Variants in SKOR1 observed in about 807,000 individuals in gnomAD.
The protein encoded by SKOR1 is SKI family transcriptional corepressor 1.
A neutral mutation model predicts 72.4 loss-of-function variants in SKOR1; 38 were observed. The ratio of observed to expected loss-of-function variants is 0.52; its 90% CI spans 0.40 to 0.69. The LOEUF (loss-of-function observed/expected upper bound fraction) is 0.69. Ranked by LOEUF, SKOR1 falls within the 30% of genes least tolerant of loss-of-function variation. The probability of loss-of-function intolerance (pLI) is 0.00; values close to 1 mark genes in which losing one functional copy is unlikely to be tolerated. For synonymous variants in SKOR1, 642 were observed against 599.4 expected (o/e 1.07, Z -1.04); for missense variants, 1,320 against 1,343.2 (o/e 0.98, Z 0.27).
At position 67,826,405 on chromosome 15, in the gene SKOR1, G is replaced by A; in HGVS notation, c.577G>A (p.Gly193Ser). 1 of 1,613,954 alleles carries A rather than the reference G, an allele frequency of 6.2e-7. No individual in the cohort carries two copies. The highest frequency in any genetic ancestry group is 8.5e-7 in the Non-Finnish European group (1 of 1,180,022). ...VVHECAWGSR[G>S]SFIPARYNSS... ...GCACGAGTGCGCGTGGGGCTCGCGT[G>A]GTAGCTTCATCCCTGCGCGTTACAA... The change falls in exon 2 of 9, where the codon GGT becomes AGT. Residue 193 changes from glycine (G) to serine (S), a missense_variant. Coordinates refer to ENST00000380035, the MANE Select transcript of SKOR1 (RefSeq NM_001365915.1).
Position 67,834,217 on chromosome 15 carries a change from G to A in SKOR1, c.*381G>A. On this transcript the variant is annotated 3_prime_UTR_variant, in exon 9 of 9. Transcript: ENST00000380035. The surrounding 1 kb of genome is among the most constrained non-coding windows in gnomAD (Gnocchi z 5.8). ...TAGCAACTTCGCTGGCGCCTGCCCC[G>A]CACTCCCCGTCCCGTCCACTTCTGA... 9.5e-6 allele frequency: 3 copies of A among 314,144 alleles called. No homozygotes were observed. The highest frequency in any genetic ancestry group is 1.9e-5 in the Non-Finnish European group (3 of 160,632). The allele number at this position is 314,144 out of a possible 1,614,324, so 19.5% of individuals were successfully genotyped here. A position where few individuals can be genotyped will look rare whatever the true frequency, so the allele number is the denominator to read the frequency against.
At position 67,833,674 on chromosome 15, in the gene SKOR1, A is replaced by C; in HGVS notation, c.2804-68A>C. The C allele has an allele frequency of 6.6e-7, 1 of 1,506,792 alleles. No individual in the cohort carries two copies. Among genetic ancestry groups the C allele is most frequent in the Non-Finnish European group, 9.2e-7 (1 of 1,085,182 alleles). The allele number at this position is 1,506,792 out of a possible 1,614,324, so 93.3% of individuals were successfully genotyped here. A position where few individuals can be genotyped will look rare whatever the true frequency, so the allele number is the denominator to read the frequency against. On this transcript the variant is annotated intron_variant, in intron 8 of 8. Coordinates refer to ENST00000380035, the MANE Select transcript of SKOR1 (RefSeq NM_001365915.1). The surrounding 1 kb of genome is among the most constrained non-coding windows in gnomAD (Gnocchi z 6.0). ...GGGTTGGTAAGGCCGGGGAGGGGAAAGGGTGGACTGCGCGGTGAGGTGAGC... is the reference window on the plus strand; with the variant it reads ...GGGTTGGTAAGGCCGGGGAGGGGAACGGGTGGACTGCGCGGTGAGGTGAGC...
At position 67,833,212 on chromosome 15, in the gene SKOR1, G is replaced by GCCT; in HGVS notation, c.2758_2759insCCT (p.Asp920delinsAlaTyr). 1 of 1,614,042 alleles carries GCCT rather than the reference G, an allele frequency of 6.2e-7. No individual in the cohort carries two copies. The highest frequency in any genetic ancestry group is 8.5e-7 in the Non-Finnish European group (1 of 1,180,018). On this transcript the variant is annotated protein_altering_variant, in exon 8 of 9. Transcript: ENST00000380035. The surrounding 1 kb of genome is among the most constrained non-coding windows in gnomAD (Gnocchi z 6.0). ...TCCAGATACCCTGTGTAACGAACTCGACCAGGAGCGGAAGGCGCGCTATGC... is the reference window on the plus strand; with the variant it reads ...TCCAGATACCCTGTGTAACGAACTCGCCTACCAGGAGCGGAAGGCGCGCTATGC...
intron 2 of SKOR1, among the ~76,000 whole-genome samples, chr15:67,828,562 C>T (rs1474734541): frequency 6.6e-6 from 1 of 152,228 alleles, no homozygotes; most frequent in East Asian, 1.9e-4. Context: ...GACAGTGTGG[C>T]CTCTCCCTGA....
At chr15:67,828,272 C>T in intron 2 of SKOR1, 128 bp downstream of exon 2, 1 of 1,336,312 alleles carries the variant, frequency 7.5e-7, no homozygotes, top group Non-Finnish European at 9.5e-7. Flanking sequence ...CTCGGCCACT[C>T]TCCGCAGGCC....
chr15:67,826,303 G>A lies in SKOR1; in HGVS notation c.475G>A (p.Ala159Thr), dbSNP rs371883029. The A allele has an allele frequency of 6.2e-7, 1 of 1,613,334 alleles. No individual in the cohort carries two copies. Among genetic ancestry groups the A allele is most frequent in the Non-Finnish European group, 8.5e-7 (1 of 1,180,048 alleles). ...RRCGMITKRE[A>T]ERLCKSFLGE... is the part of the protein sequence containing the mutation. ...CTGCGGCATGATCACTAAGCGAGAG[G>A]CCGAACGCCTGTGCAAGTCGTTCCT... The change falls in exon 2 of 9, where the codon GCC becomes ACC. Residue 159 changes from alanine to threonine, a missense_variant. Ala to Thr is a moderately conservative substitution (Grantham distance 58, BLOSUM62 0). Around this residue, in one of 3 missense-constraint regions of SKOR1, gnomAD observed 101 missense variants for 212.8 expected, o/e 0.47. Transcript: ENST00000380035.
At position 67,827,914 on chromosome 15, in the gene SKOR1, G is replaced by A; in HGVS notation, c.2086G>A (p.Gly696Arg). ...CGGCCCAGACGGTGAACAGCCCACTGGACCCCCTTCCGCCACCTCCTCTGG... is the reference window on the plus strand; with the variant it reads ...CGGCCCAGACGGTGAACAGCCCACTAGACCCCCTTCCGCCACCTCCTCTGG... ...GGGPDGEQPT[G>R]PPSATSSGAD... The change falls in exon 2 of 9, where the codon GGA becomes AGA. Residue 696 changes from glycine to arginine, a missense_variant. Physicochemically the swap from Gly to Arg is moderately radical, Grantham distance 125. This residue lies in a region of SKOR1 where 1,099 missense variants were observed against 1,025.5 expected (regional missense o/e 1.07). Transcript: ENST00000380035. The A allele has an allele frequency of 6.3e-7, 1 of 1,594,178 alleles. No individual in the cohort carries two copies. The highest frequency in any genetic ancestry group is 8.5e-7 in the Non-Finnish European group (1 of 1,171,524).
chr15:67,825,861 C>T lies in SKOR1; in HGVS notation c.108-75C>T, dbSNP rs909548645. Reference sequence around the variant, plus strand: ...CCCCCGCGCGCCCAACTCGGAGCGCCCTGCTGGGCGGGCCCGAGCCTCGGC... The same window carrying T: ...CCCCCGCGCGCCCAACTCGGAGCGCTCTGCTGGGCGGGCCCGAGCCTCGGC... On this transcript the variant is annotated intron_variant, in intron 1 of 8. Transcript: ENST00000380035. This position sits in a 1 kb window ranked among gnomAD's most constrained non-coding sequence, Gnocchi z 5.6. 50 of 1,512,232 alleles carry T rather than the reference C, an allele frequency of 3.3e-5. No homozygotes were observed. The highest frequency in any genetic ancestry group is 4.1e-5 in the Non-Finnish European group (47 of 1,137,840). 93.7% of individuals were successfully genotyped at this position (1,512,232 alleles called of 1,614,324 possible).
Position 67,826,587 on chromosome 15 carries a change from C to A in SKOR1, c.759C>A (p.Asp253Glu). The A allele has an allele frequency of 6.2e-7, 1 of 1,614,010 alleles. No homozygotes were observed. Among genetic ancestry groups the A allele is most frequent in the Non-Finnish European group, 8.5e-7 (1 of 1,179,996 alleles). ...NSWRRHLKLS[D>E]KSATDELSHA... The stretch of plus-strand genomic sequence containing the variant: ...GGCGTCGTCACCTCAAACTCAGTGA[C>A]AAGTCGGCCACAGACGAACTGAGCC... The change falls in exon 2 of 9, where the codon GAC becomes GAA. Residue 253 changes from aspartate (D) to glutamate (E), a missense_variant. Asp to Glu is a conservative substitution (Grantham distance 45). Transcript: ENST00000380035.
In SKOR1 at chr15:67,825,619, G is replaced by T. The variant is rs1419206343; in HGVS notation, c.17G>T (p.Gly6Val). Residue 6 changes from glycine to valine, a missense_variant, in exon 1 of 9, where the codon GGC becomes GTC. Transcript: ENST00000380035. This position sits in a 1 kb window ranked among gnomAD's most constrained non-coding sequence, Gnocchi z 5.6. MALLC[G>V]LGQVTLRIWV... The stretch of plus-strand genomic sequence containing the variant: ...GATTTGGCAATGGCTTTGCTGTGTG[G>T]CCTTGGGCAAGTCACTCTGCGTATC... 1 of 720,394 alleles carries T rather than the reference G, an allele frequency of 1.4e-6. No individual in the cohort carries two copies. The allele number at this position is 720,394 out of a possible 1,614,324, so 44.6% of individuals were successfully genotyped here. A position where few individuals can be genotyped will look rare whatever the true frequency, so the allele number is the denominator to read the frequency against.
In SKOR1 at chr15:67,827,439, C is replaced by A. The variant is rs1275777557; in HGVS notation, c.1611C>A (p.Asp537Glu). 1.3e-6 allele frequency: 2 copies of A among 1,522,350 alleles called. No individual in the cohort carries two copies. The highest frequency in any genetic ancestry group is 1.4e-5 in the African/African-American group (1 of 70,524). The allele number at this position is 1,522,350 out of a possible 1,614,324, so 94.3% of individuals were successfully genotyped here. The change falls in exon 2 of 9, where the codon GAC (aspartate) becomes GAA (glutamate). Residue 537 changes from aspartate to glutamate, a missense_variant. Around this residue, in one of 3 missense-constraint regions of SKOR1, gnomAD observed 1,099 missense variants for 1,025.5 expected, o/e 1.07. Transcript: ENST00000380035. ...GCAGCGGTGCCCCAGAGCCCCTGGA[C>A]GGTGCCGAGCCAGCCAAAGAGAGTG... ...AAGSGAPEPL[D>E]GAEPAKESGL...
Position 67,832,525 on chromosome 15 carries a change from T to A in SKOR1, c.2663-82T>A. ...GCTGGGTGGGAGTTGGGGGTAGGGG[T>A]GAAAGGGGGGGCCAGGAGTGAGAAA... On this transcript the variant is annotated intron_variant, in intron 6 of 8. Coordinates refer to ENST00000380035, the MANE Select transcript of SKOR1 (RefSeq NM_001365915.1). This position sits in a 1 kb window ranked among gnomAD's most constrained non-coding sequence, Gnocchi z 4.5. 1 of 1,388,290 alleles carries A rather than the reference T, an allele frequency of 7.2e-7. No homozygotes were observed. The highest frequency in any genetic ancestry group is 1.0e-6 in the Non-Finnish European group (1 of 991,846). The allele number at this position is 1,388,290 out of a possible 1,614,324, so 86.0% of individuals were successfully genotyped here. A position where few individuals can be genotyped will look rare whatever the true frequency, so the allele number is the denominator to read the frequency against.
Position 67,826,378 on chromosome 15 carries a change from G to T in SKOR1, c.550G>T (p.Val184Leu). The part of the protein sequence containing the change: ...KLPENFAFDV[V>L]HECAWGSRGS... ...GCCCGAGAACTTCGCCTTCGATGTG[G>T]TGCACGAGTGCGCGTGGGGCTCGCG... is the stretch of plus-strand genomic sequence containing the variant. The change falls in exon 2 of 9, where the codon GTG becomes TTG. Residue 184 changes from valine (V) to leucine (L), a missense_variant. By Grantham distance (32) the Val-to-Leu change is conservative. Transcript: ENST00000380035. 6.2e-7 allele frequency: 1 copy of T among 1,613,876 alleles called. No individual in the cohort carries two copies. The highest frequency in any genetic ancestry group is 8.5e-7 in the Non-Finnish European group (1 of 1,179,992).
At chr15:67,828,256 G>T in intron 2 of SKOR1, 112 bp downstream of exon 2, 1 of 1,346,848 alleles carries the variant, frequency 7.4e-7, no homozygotes, top group Admixed American at 4.0e-5. Context: ...CGTGGGAGCA[G>T]CAGGCCTCGG....
chr15:67,833,222 G>A lies in SKOR1; in HGVS notation c.2768G>A (p.Arg923Gln). ...CTGTGTAACGAACTCGACCAGGAGC[G>A]GAAGGCGCGCTATGCCATCCAGCAG... ...DTLCNELDQE[R>Q]KARYAIQQKL... The change falls in exon 8 of 9, where the codon CGG (arginine) becomes CAG (glutamine). Residue 923 changes from arginine (R) to glutamine (Q), a missense_variant. By Grantham distance (43) the Arg-to-Gln change is conservative. Around this residue, in one of 3 missense-constraint regions of SKOR1, gnomAD observed 1,099 missense variants for 1,025.5 expected, o/e 1.07. Coordinates refer to ENST00000380035, the MANE Select transcript of SKOR1 (RefSeq NM_001365915.1). This position sits in a 1 kb window ranked among gnomAD's most constrained non-coding sequence, Gnocchi z 6.0. 1 of 1,614,114 alleles carries A rather than the reference G, an allele frequency of 6.2e-7. No homozygotes were observed. Among genetic ancestry groups the A allele is most frequent in the Non-Finnish European group, 8.5e-7 (1 of 1,180,028 alleles).
Position 67,830,111 on chromosome 15 carries a change from C to A in SKOR1, c.2408-80C>A, listed in dbSNP as rs1353345869. The A allele has an allele frequency of 5.6e-6, 8 of 1,417,484 alleles. No individual in the cohort carries two copies. The East Asian group carries it at 7.0e-5, about 12-fold the overall frequency. The allele number at this position is 1,417,484 out of a possible 1,614,324, so 87.8% of individuals were successfully genotyped here. On this transcript the variant is annotated intron_variant, in intron 3 of 8. Transcript: ENST00000380035. ...ACGACGCTTTTAATTAGGGCTGGGG[C>A]GCCCCGACCGCGGCAGCTCCGGCAG...
Position 67,830,873 on chromosome 15 carries a change from C to G in SKOR1, c.2571C>G (p.Ile857Met), listed in dbSNP as rs377094576. Residue 857 changes from isoleucine to methionine, a missense_variant, in exon 5 of 9, where the codon ATC (isoleucine) becomes ATG (methionine). Physicochemically the swap from Ile to Met is conservative, Grantham distance 10 (BLOSUM62 1). Around this residue, in one of 3 missense-constraint regions of SKOR1, gnomAD observed 1,099 missense variants for 1,025.5 expected, o/e 1.07. Transcript: ENST00000380035. ...GAACTCATTTGGTGGAGAAAGATAT[C>G]GAGAACCTGGCCAGAGGTGAGGATA... ...VTGTHLVEKD[I>M]ENLAREELQK... 2.0e-5 allele frequency: 32 copies of G among 1,613,948 alleles called. No homozygotes were observed. In the East Asian group the frequency reaches 6.9e-4, roughly 35 times the overall value.
chr15:67,832,596 A>T lies in SKOR1; in HGVS notation c.2663-11A>T. ...TGTGCGTAACAGCTCTCACTTAATC[A>T]ATTTGCACAGATAATTTTCAGGATC... On this transcript the variant is annotated splice_polypyrimidine_tract_variant and intron_variant, in intron 6 of 8. Transcript: ENST00000380035. This position sits in a 1 kb window ranked among gnomAD's most constrained non-coding sequence, Gnocchi z 4.5. The T allele has an allele frequency of 6.2e-7, 1 of 1,613,168 alleles. No homozygotes were observed. Among genetic ancestry groups the T allele is most frequent in the Non-Finnish European group, 8.5e-7 (1 of 1,179,360 alleles).
chr15:67,827,113 G>T lies in SKOR1; in HGVS notation c.1285G>T (p.Gly429Cys). The T allele has an allele frequency of 7.0e-7, 1 of 1,426,622 alleles. No homozygotes were observed. The highest frequency in any genetic ancestry group is 1.6e-5 in the South Asian group (1 of 60,772). The allele number at this position is 1,426,622 out of a possible 1,614,324, so 88.4% of individuals were successfully genotyped here. A position where few individuals can be genotyped will look rare whatever the true frequency, so the allele number is the denominator to read the frequency against. Residue 429 changes from glycine (G) to cysteine (C), a missense_variant, in exon 2 of 9, where the codon GGC (glycine) becomes TGC (cysteine). Transcript: ENST00000380035. The part of the protein sequence containing the change: ...PKGGPGTGSG[G>C]GGAGTGGGAG... ...GGGCGGTCCTGGCACTGGGAGCGGCGGCGGCGGCGCGGGGACAGGCGGGGG... is the reference window on the plus strand; with the variant it reads ...GGGCGGTCCTGGCACTGGGAGCGGCTGCGGCGGCGCGGGGACAGGCGGGGG...
Sources: allele counts gnomAD v4.1 joint callset (sites outside exome capture counted in the v4.1 genomes callset), GRCh38; gene constraint gnomAD v4.1.1; regional missense constraint gnomAD v4.1.1; non-coding constraint Gnocchi (gnomAD v3.1); transcripts MANE v1.5; gene names NCBI Gene and HGNC (gene_info 2026-07-23, HGNC 2026-07-21).